Variants in CLIC4 observed in about 807,000 individuals in gnomAD.
The protein encoded by CLIC4 is CLIC family member 4.
A neutral mutation model predicts 24.6 loss-of-function variants in CLIC4; 13 were observed. The ratio of observed to expected loss-of-function variants is 0.53; its 90% CI spans 0.34 to 0.84. CLIC4 has a LOEUF of 0.84. Among genes scored for constraint, CLIC4 ranks in the 40% least tolerant of loss-of-function variants. The pLI is 0.01. For missense variants in CLIC4, 227 were observed against 301.7 expected, an observed-to-expected ratio of 0.75 and a Z score of 1.83; for synonymous variants, 104 against 111.3, an observed-to-expected ratio of 0.93 and a Z score of 0.41.
In CLIC4 at chr1:24,840,782, A is replaced by G. The variant is rs750922453; in HGVS notation, c.607A>G (p.Lys203Glu). ...PKLHIVKVVA[K>E]KYRNFDIPKE... ...TCTCTTTGTATTTCAGGTGGTGGCC[A>G]AAAAATATCGCAACTTTGATATTCC... The change falls in exon 6 of 6, where the codon AAA becomes GAA. Residue 203 changes from lysine to glutamate, a missense_variant. Transcript: ENST00000374379. 6.2e-7 allele frequency: 1 copy of G among 1,602,296 alleles called. No homozygotes were observed. Among genetic ancestry groups the G allele is most frequent in the Non-Finnish European group, 8.5e-7 (1 of 1,174,556 alleles).
chr1:24,761,137 A>G (rs1045361883), intron 1 of CLIC4, among the ~76,000 whole-genome samples: 1 of 152,154 alleles, frequency 6.6e-6, no homozygotes, highest in Admixed American at 6.6e-5. Context: ...AGCCAGAATG[A>G]TGGAGTTGTC....
rs1041256639 is a variant in CLIC4, at chr1:24,823,653, A to G, written c.309-3357A>G. On this transcript the variant is annotated intron_variant, in intron 3 of 5. Transcript: ENST00000374379. Reference sequence around the variant, plus strand: ...GCTGGGCGTGGTGACGGGCGCCTGTAATCCCAGCGACTTGGGAGGCTGAGG... The same window carrying G: ...GCTGGGCGTGGTGACGGGCGCCTGTGATCCCAGCGACTTGGGAGGCTGAGG... 5.2e-4 allele frequency among the ~76,000 whole-genome samples: 79 copies of G among 151,964 alleles called. 1 individual carries two copies. Among genetic ancestry groups the G allele is most frequent in the African/African-American group, 1.7e-3 (72 of 41,362 alleles).
chr1:24,766,620 C>T (rs1300808604), intron 1 of CLIC4, among the ~76,000 whole-genome samples: 1 of 150,156 alleles, frequency 6.7e-6, no homozygotes, highest in Non-Finnish European at 1.5e-5. Flanking sequence ...TCTTGTGCCT[C>T]AGCTTCCCTA....
intron 1 of CLIC4, among the ~76,000 whole-genome samples, chr1:24,797,360 G>A (rs1639416104): frequency 6.6e-6 from 1 of 151,724 alleles, no homozygotes; most frequent in African/African-American, 2.4e-5. Context: ...GATCACTTGA[G>A]CCCAGGAGTT....
intron 1 of CLIC4, among the ~76,000 whole-genome samples, chr1:24,783,391 A>T (rs565668780): frequency 6.6e-6 from 1 of 152,208 alleles, no homozygotes; most frequent in East Asian, 1.9e-4. Flanking sequence ...CAAATTATTT[A>T]GTAGTATAAT....
intron 1 of CLIC4, among the ~76,000 whole-genome samples, chr1:24,781,759 T>C (rs1057443732): frequency 6.6e-6 from 1 of 151,404 alleles, no homozygotes; most frequent in Non-Finnish European, 1.5e-5. Context: ...TAAGGGAATC[T>C]CCTGCCTCAA....
chr1:24,820,046 TCAAAAA>T (rs1639710643), intron 3 of CLIC4, among the ~76,000 whole-genome samples: 1 of 73,554 alleles, frequency 1.4e-5, no homozygotes, highest in African/African-American at 4.5e-5. Flanking sequence ...CAGCCATACT[TCAAAAA>T]AAAAAAAAAA....
chr1:24,782,418 G>A (rs1009049906), intron 1 of CLIC4, among the ~76,000 whole-genome samples: 1 of 152,052 alleles, frequency 6.6e-6, no homozygotes, highest in Non-Finnish European at 1.5e-5. Context: ...GGATGCTATA[G>A]GTAATGCAAA....
At chr1:24,831,865 C>T (rs1639845207) in intron 4 of CLIC4, among the ~76,000 whole-genome samples, 1 of 152,218 alleles carries the variant, frequency 6.6e-6, no homozygotes, top group Admixed American at 6.5e-5. Flanking sequence ...TCTTGAACTG[C>T]TGACCTCAGG....
chr1:24,831,446 G>A (rs1354162670), intron 4 of CLIC4, among the ~76,000 whole-genome samples: 3 of 152,068 alleles, frequency 2.0e-5, no homozygotes, highest in Non-Finnish European at 2.9e-5. Context: ...TTAATTTAGA[G>A]CAGGTCTAAG....
At chr1:24,786,753 G>T (rs1639272039) in intron 1 of CLIC4, among the ~76,000 whole-genome samples, 1 of 152,106 alleles carries the variant, frequency 6.6e-6, no homozygotes, top group South Asian at 2.1e-4. Flanking sequence ...GAGTAGCTGG[G>T]ACTACAGGCA....
chr1:24,785,854 CAAAAAAAAAAAA>C (rs61009244), intron 1 of CLIC4, among the ~76,000 whole-genome samples: 1 of 58,852 alleles, frequency 1.7e-5, no homozygotes, highest in African/African-American at 8.0e-5. Context: ...GACTACAACT[CAAAAAAAAAAAA>C]AAAAAAAAAA....
chr1:24,750,177 G>A (rs900458203), intron 1 of CLIC4, among the ~76,000 whole-genome samples: 1 of 152,132 alleles, frequency 6.6e-6, no homozygotes, highest in Non-Finnish European at 1.5e-5. Flanking sequence ...CCAGGAGTTC[G>A]AGGCTGCAGT....
chr1:24,770,490 C>A (rs570227848), intron 1 of CLIC4, among the ~76,000 whole-genome samples: 13 of 152,138 alleles, frequency 8.5e-5, no homozygotes, highest in East Asian at 7.7e-4. Flanking sequence ...TCTGTTTTTT[C>A]CCCCCTTGCT....
At chr1:24,827,466 A>G (rs949904988) in intron 4 of CLIC4, among the ~76,000 whole-genome samples, 1 of 151,804 alleles carries the variant, frequency 6.6e-6, no homozygotes, top group African/African-American at 2.4e-5. Context: ...GTGGTTTAGC[A>G]TAGATTGGTT....
intron 3 of CLIC4, among the ~76,000 whole-genome samples, chr1:24,819,599 AGCT>A (rs1438098631): frequency 1.3e-5 from 2 of 151,000 alleles, no homozygotes; most frequent in Non-Finnish European, 3.0e-5. Flanking sequence ...CACTATGCCC[AGCT>A]AATTTTTTCT....
chr1:24,816,362 C>A (rs1377500455), intron 3 of CLIC4, among the ~76,000 whole-genome samples: 1 of 151,376 alleles, frequency 6.6e-6, no homozygotes, highest in Admixed American at 6.6e-5. Flanking sequence ...GCTTCAGCCT[C>A]CTGAGTAGCT....
intron 2 of CLIC4, 160 bp downstream of exon 2, chr1:24,798,011 G>A: frequency 3.5e-6 from 2 of 565,234 alleles, no homozygotes; most frequent in South Asian, 4.6e-5. Flanking sequence ...TTTTGGACAA[G>A]TCACGCTGTC....
chr1:24,746,030 C>G (rs1246244552), intron 1 of CLIC4, among the ~76,000 whole-genome samples: 1 of 151,452 alleles, frequency 6.6e-6, no homozygotes, highest in Non-Finnish European at 1.5e-5. Context: ...CGCTCCGGTC[C>G]GCCGCCCGGA....
Sources: gnomAD v4.1 joint callset for allele counts (sites outside exome capture counted in the v4.1 genomes callset) on GRCh38, gnomAD v4.1.1 for gene constraint, MANE v1.5 for transcripts, NCBI Gene and HGNC (gene_info 2026-07-23, HGNC 2026-07-21) for gene names.